FARS2: variants seen among roughly 807,000 people sequenced by gnomAD.
FARS2 encodes the protein phenylalanyl-tRNA synthetase 2, mitochondrial.
A neutral mutation model predicts 46.4 loss-of-function variants in FARS2; 40 were observed. The ratio of observed to expected loss-of-function variants is 0.86; its 90% CI spans 0.67 to 1.12. The LOEUF (loss-of-function observed/expected upper bound fraction) is 1.12. FARS2 is among the 50% of genes most tolerant of loss of function. The pLI, the probability that FARS2 is intolerant of heterozygous loss-of-function variation, is 0.00. For synonymous variants in FARS2, 234 were observed against 214.9 expected, an observed-to-expected ratio of 1.09 and a Z score of -0.78; for missense variants, 513 against 567.9, an observed-to-expected ratio of 0.90 and a Z score of 0.98.
At chr6:5,503,709 G>A (rs934639068) in intron 4 of FARS2, among the ~76,000 whole-genome samples, 3 of 152,074 alleles carry the variant, frequency 2.0e-5, no homozygotes, top group African/African-American at 7.2e-5. Flanking sequence ...TTGTAAAAAT[G>A]TACAGATATT....
intron 1 of FARS2, among the ~76,000 whole-genome samples, chr6:5,282,680 A>G (rs1039671210): frequency 2.6e-5 from 4 of 152,262 alleles, no homozygotes; most frequent in African/African-American, 9.6e-5. Context: ...GTGAAACTTA[A>G]TAAACTGGTG....
At chr6:5,399,192 C>T (rs1422232012) in intron 2 of FARS2, among the ~76,000 whole-genome samples, 1 of 144,508 alleles carries the variant, frequency 6.9e-6, no homozygotes, top group Non-Finnish European at 1.5e-5. Flanking sequence ...TCATCATCAT[C>T]GAGACGGAGT....
intron 6 of FARS2, among the ~76,000 whole-genome samples, chr6:5,670,472 T>A (rs1778396085): frequency 6.6e-6 from 1 of 152,218 alleles, no homozygotes; most frequent in Non-Finnish European, 1.5e-5. Flanking sequence ...CTTATAGTAC[T>A]TGGCCCACAA....
chr6:5,644,117 C>A (rs1467313939), intron 6 of FARS2, among the ~76,000 whole-genome samples: 2 of 152,208 alleles, frequency 1.3e-5, no homozygotes, highest in African/African-American at 4.8e-5. Flanking sequence ...GCAGATACTG[C>A]CACAGCACCA....
chr6:5,552,694 T>C (rs980818154), intron 5 of FARS2, among the ~76,000 whole-genome samples: 1 of 152,260 alleles, frequency 6.6e-6, no homozygotes, highest in Non-Finnish European at 1.5e-5. Flanking sequence ...ATTTTCATTT[T>C]ACATATTTTG....
At chr6:5,432,347 TA>T (rs1428526676) in intron 4 of FARS2, among the ~76,000 whole-genome samples, 3,124 of 34,172 alleles carry the variant, frequency 0.091, 182 homozygotes, top group African/African-American at 0.23. Context: ...TATATATATA[TA>T]TATTATATAT....
chr6:5,595,328 G>A (rs1774138645), intron 5 of FARS2, among the ~76,000 whole-genome samples: 1 of 152,122 alleles, frequency 6.6e-6, no homozygotes, highest in Admixed American at 6.6e-5. Flanking sequence ...GTGTACCTAA[G>A]GGGAAATGAC....
At chr6:5,250,426 C>G in the FARS2 span, among the ~76,000 whole-genome samples, 1 of 152,122 alleles carries the variant, frequency 6.6e-6, no homozygotes, top group Non-Finnish European at 1.5e-5. Context: ...TTTTCTCAAT[C>G]TAAATATCTT....
rs532845985 is a variant in FARS2, at chr6:5,288,001, T to G, written c.-22+26341T>G. Among the ~76,000 whole-genome samples, 98 of 152,306 alleles carry G rather than the reference T, an allele frequency of 6.4e-4. No individual in the cohort carries two copies. The Middle Eastern group carries it at 0.01, about 16-fold the overall frequency. On this transcript the variant is annotated intron_variant, in intron 1 of 6. Coordinates refer to ENST00000274680, the MANE Select transcript of FARS2 (RefSeq NM_006567.5). ...TCTCCTGTAATATTTTCTCTTTTCC[T>G]CTCCCTTCTGTCATCTTCCTTCCTC... is the stretch of plus-strand genomic sequence containing the variant.
chr6:5,527,576 A>G (rs1769548926), intron 4 of FARS2, among the ~76,000 whole-genome samples: 1 of 152,248 alleles, frequency 6.6e-6, no homozygotes, highest in South Asian at 2.1e-4. Flanking sequence ...CTCACATTAT[A>G]AAAACTGATA....
intron 6 of FARS2, among the ~76,000 whole-genome samples, chr6:5,646,280 C>T (rs1777068976): frequency 6.6e-6 from 1 of 152,172 alleles, no homozygotes; most frequent in African/African-American, 2.4e-5. Flanking sequence ...AATATCCAGG[C>T]TATAATATTG....
At chr6:5,397,114 A>G (rs2503818) in intron 2 of FARS2, among the ~76,000 whole-genome samples, 11,922 of 152,270 alleles carry the variant, frequency 0.078, 944 homozygotes, top group African/African-American at 0.2. Context: ...GGTTTTTAAC[A>G]AAAGATCATA....
chr6:5,624,568 T>G (rs963102835), intron 6 of FARS2, among the ~76,000 whole-genome samples: 5 of 152,262 alleles, frequency 3.3e-5, no homozygotes, highest in African/African-American at 1.2e-4. Context: ...CATGAAATCC[T>G]TTTTAACTTT....
chr6:5,488,434 T>C (rs1766905859), intron 4 of FARS2, among the ~76,000 whole-genome samples: 1 of 152,216 alleles, frequency 6.6e-6, no homozygotes, highest in Non-Finnish European at 1.5e-5. Flanking sequence ...TCTAATCTAA[T>C]GTACTTATAT....
chr6:5,295,538 T>C (rs1237794781), intron 1 of FARS2, among the ~76,000 whole-genome samples: 1 of 152,206 alleles, frequency 6.6e-6, no homozygotes, highest in Middle Eastern at 3.2e-3. Context: ...AATAAAATAG[T>C]CTTGGTAATG....
intron 5 of FARS2, among the ~76,000 whole-genome samples, chr6:5,573,681 A>G (rs1264259021): frequency 6.6e-6 from 1 of 152,130 alleles, no homozygotes; most frequent in African/African-American, 2.4e-5. Context: ...TGTTTATTCA[A>G]CAAACCTCCG....
chr6:5,645,271 T>C (rs1032628279), intron 6 of FARS2, among the ~76,000 whole-genome samples: 1 of 152,246 alleles, frequency 6.6e-6, no homozygotes, highest in Non-Finnish European at 1.5e-5. Context: ...AGCCAGAATG[T>C]GCTTTAAGTG....
intron 1 of FARS2, among the ~76,000 whole-genome samples, chr6:5,300,324 G>C (rs926847124): frequency 6.6e-6 from 1 of 152,180 alleles, no homozygotes; most frequent in Non-Finnish European, 1.5e-5. Context: ...CAAATGTTAT[G>C]TCTGTTTATA....
At chr6:5,512,769 A>T (rs1252518977) in intron 4 of FARS2, among the ~76,000 whole-genome samples, 1 of 152,200 alleles carries the variant, frequency 6.6e-6, no homozygotes, top group Admixed American at 6.5e-5. Context: ...AAAAATATGT[A>T]TTAAGCACAA....
Sources: allele counts gnomAD v4.1 joint callset (sites outside exome capture counted in the v4.1 genomes callset), GRCh38; gene constraint gnomAD v4.1.1; transcripts MANE v1.5; gene names NCBI Gene and HGNC (gene_info 2026-07-23, HGNC 2026-07-21).